The following SEPTIN7 variants were observed in gnomAD, a reference collection of about 807,000 sequenced individuals.
The protein encoded by SEPTIN7 is septin 7, also known as septin-7.
A neutral mutation model predicts 63.3 loss-of-function variants in SEPTIN7; 10 were observed. The ratio of observed to expected loss-of-function variants is 0.16; its 90% confidence interval spans 0.10 to 0.27. The LOEUF is 0.27. Ranked by LOEUF, SEPTIN7 falls within the 10% of genes least tolerant of loss-of-function variation. The probability of loss-of-function intolerance (pLI) is 1.00; values close to 1 mark genes in which losing one functional copy is unlikely to be tolerated. For missense variants in SEPTIN7, 310 were observed against 521.0 expected (o/e 0.59, Z 3.94); for synonymous variants, 131 against 165.3 (o/e 0.79, Z 1.59).
In SEPTIN7 at chr7:35,850,181, A is replaced by G. The variant is rs115547653; in HGVS notation, c.170-13371A>G. Among the ~76,000 whole-genome samples, 1,429 of 152,260 alleles carry G rather than the reference A, an allele frequency of 9.4e-3. 25 individuals are homozygous for G. Among genetic ancestry groups the G allele is most frequent in the African/African-American group, 0.033 (1,359 of 41,528 alleles). ...TTGAAATACCTCCTGAGATGACACT[A>G]ATATGTATTTTGGTTAAGAACTATA... On this transcript the variant is annotated intron_variant, in intron 3 of 13. Transcript: ENST00000350320.
Position 35,895,862 on chromosome 7 carries a change from G to A in SEPTIN7, c.999-2386G>A, listed in dbSNP as rs1787929844. 2.0e-5 allele frequency among the ~76,000 whole-genome samples: 3 copies of A among 152,306 alleles called. No individual in the cohort carries two copies. In the South Asian group the frequency reaches 6.2e-4, roughly 32 times the overall value. On this transcript the variant is annotated intron_variant, in intron 11 of 13. Coordinates refer to ENST00000350320, the MANE Select transcript of SEPTIN7 (RefSeq NM_001788.6). The stretch of plus-strand genomic sequence containing the variant: ...CTCCTGCTCTGTCAGCCAGGCTGGA[G>A]TACAGTGGCACGATCTTGGCTCACT...
intron 11 of SEPTIN7, among the ~76,000 whole-genome samples, chr7:35,891,501 G>C (rs184009929): frequency 6.6e-6 from 1 of 152,220 alleles, no homozygotes; most frequent in Non-Finnish European, 1.5e-5. Flanking sequence ...GTAACATAAT[G>C]TCAAGTATTT....
At position 35,898,337 on chromosome 7, in the gene SEPTIN7, T is replaced by C; in HGVS notation, c.1088T>C (p.Met363Thr). 1 of 1,549,708 alleles carries C rather than the reference T, an allele frequency of 6.5e-7. No individual in the cohort carries two copies. Among genetic ancestry groups the C allele is most frequent in the Non-Finnish European group, 8.7e-7 (1 of 1,145,578 alleles). The part of the protein sequence containing the change: ...MEMEMEQVFE[M>T]KVKEKVQKLK... ...ATGGAGATGGAGCAGGTGTTTGAGA[T>C]GAAGGTCAAAGAAAAAGTTCAAAAA... The change falls in exon 12 of 14, where the codon ATG (methionine) becomes ACG (threonine). Residue 363 changes from methionine to threonine, a missense_variant. Physicochemically the swap from Met to Thr is moderately conservative, Grantham distance 81. Transcript: ENST00000350320.
the SEPTIN7 span, among the ~76,000 whole-genome samples, chr7:35,915,025 A>C: frequency 6.6e-6 from 1 of 151,840 alleles, no homozygotes; most frequent in Non-Finnish European, 1.5e-5. Context: ...ATATATGTAT[A>C]CATGCACGTA....
At chr7:35,827,413 T>C (rs909744445) in intron 1 of SEPTIN7, among the ~76,000 whole-genome samples, 3 of 152,252 alleles carry the variant, frequency 2.0e-5, no homozygotes, top group Admixed American at 2.0e-4. Context: ...TTACAGACTA[T>C]GGTTGATTTT....
At chr7:35,904,227 C>T (rs1312508543) in intron 13 of SEPTIN7, 27 bp from the exon 14 acceptor site, 1 of 1,512,402 alleles carries the variant, frequency 6.6e-7, no homozygotes, top group Non-Finnish European at 8.9e-7. Flanking sequence ...GGTTACTCAT[C>T]TTGCTTATTT....
At position 35,857,261 on chromosome 7, in the gene SEPTIN7, C is replaced by T. The variant is rs113595817; in HGVS notation, c.170-6291C>T. Among the ~76,000 whole-genome samples, 467 of 152,264 alleles carry T rather than the reference C, an allele frequency of 3.1e-3. 2 individuals carry two copies. The highest frequency in any genetic ancestry group is 5.4e-3 in the South Asian group (26 of 4,830). ...TTGAGAACTAGAGAAACACATTACA[C>T]AGGAGCAATGTTGAATTGGAATCAG... On this transcript the variant is annotated intron_variant, in intron 3 of 13. Coordinates refer to ENST00000350320, the MANE Select transcript of SEPTIN7 (RefSeq NM_001788.6).
intron 13 of SEPTIN7, 139 bp downstream of exon 13, chr7:35,903,354 A>C: frequency 7.4e-7 from 1 of 1,351,008 alleles, no homozygotes; most frequent in Non-Finnish European, 9.7e-7. Flanking sequence ...TGGTTTTCAT[A>C]GATAAATATT....
chr7:35,832,684 T>C, intron 2 of SEPTIN7, 114 bp from the exon 3 acceptor site: 1 of 726,914 alleles, frequency 1.4e-6, no homozygotes. Flanking sequence ...AGTAGTTTGA[T>C]TTGCTGTGAA....
At chr7:35,892,460 A>G (rs1400735756) in intron 11 of SEPTIN7, among the ~76,000 whole-genome samples, 1 of 152,114 alleles carries the variant, frequency 6.6e-6, no homozygotes, top group African/African-American at 2.4e-5. Flanking sequence ...GCACTTTTTA[A>G]CTCATTAAAA....
At chr7:35,816,319 G>A (rs1344603298) in intron 1 of SEPTIN7, among the ~76,000 whole-genome samples, 1 of 152,118 alleles carries the variant, frequency 6.6e-6, no homozygotes, top group Non-Finnish European at 1.5e-5. Flanking sequence ...TTATATAAAT[G>A]AGATCATATA....
intron 4 of SEPTIN7, among the ~76,000 whole-genome samples, chr7:35,872,357 A>G (rs1215301642): frequency 6.6e-6 from 1 of 152,142 alleles, no homozygotes; most frequent in Non-Finnish European, 1.5e-5. Context: ...TAAGTATTAC[A>G]TGTCTTTAGT....
At chr7:35,857,269 A>G (rs575612934) in intron 3 of SEPTIN7, among the ~76,000 whole-genome samples, 5 of 152,354 alleles carry the variant, frequency 3.3e-5, no homozygotes, top group Non-Finnish European at 5.9e-5. Flanking sequence ...CACAGGAGCA[A>G]TGTTGAATTG....
chr7:35,809,643 G>A lies in SEPTIN7; in HGVS notation c.61+8373G>A, dbSNP rs143890935. Among the ~76,000 whole-genome samples the A allele has an allele frequency of 1.9e-3, 292 of 152,316 alleles. 1 individual carries two copies. Among genetic ancestry groups the A allele is most frequent in the African/African-American group, 6.7e-3 (279 of 41,562 alleles). Reference sequence around the variant, plus strand: ...GGTGAATCTTTGAAAGTCGGTAGGAGTGATTAGGTAAAGGAGGTGAAGGAG... The same window carrying A: ...GGTGAATCTTTGAAAGTCGGTAGGAATGATTAGGTAAAGGAGGTGAAGGAG... On this transcript the variant is annotated intron_variant, in intron 1 of 13. Coordinates refer to ENST00000350320, the MANE Select transcript of SEPTIN7 (RefSeq NM_001788.6).
intron 3 of SEPTIN7, among the ~76,000 whole-genome samples, chr7:35,839,379 T>A (rs1229443731): frequency 6.6e-6 from 1 of 152,226 alleles, no homozygotes; most frequent in Non-Finnish European, 1.5e-5. Flanking sequence ...ATTTGACATT[T>A]GAATGATTTG....
rs202001541 is a variant in SEPTIN7, at chr7:35,837,419, CAGGAT to C, written c.169+4522_169+4526del. On this transcript the variant is annotated intron_variant, in intron 3 of 13. Coordinates refer to ENST00000350320, the MANE Select transcript of SEPTIN7 (RefSeq NM_001788.6). ...GATATATCATTCTTGGTCATATTGTCAGGATAGTTAAAATTGCTAGCTAGTATTAA... is the reference window on the plus strand; with the variant it reads ...GATATATCATTCTTGGTCATATTGTCAGTTAAAATTGCTAGCTAGTATTAA... 1.2e-3 allele frequency among the ~76,000 whole-genome samples: 177 copies of C among 152,182 alleles called. 2 individuals carry two copies. The East Asian group carries it at 0.03, about 26-fold the overall frequency.
intron 1 of SEPTIN7, among the ~76,000 whole-genome samples, chr7:35,808,227 A>G (rs1270681300): frequency 1.3e-5 from 2 of 152,052 alleles, no homozygotes; most frequent in Non-Finnish European, 2.9e-5. Flanking sequence ...TCTACCCCCA[A>G]GTCACCCAGT....
At chr7:35,813,069 AT>A (rs926495297) in intron 1 of SEPTIN7, among the ~76,000 whole-genome samples, 2 of 152,214 alleles carry the variant, frequency 1.3e-5, no homozygotes, top group African/African-American at 4.8e-5. Context: ...AACAACTGTC[AT>A]TTATTGTACT....
chr7:35,814,836 A>G (rs766554826), intron 1 of SEPTIN7, among the ~76,000 whole-genome samples: 14 of 151,978 alleles, frequency 9.2e-5, no homozygotes, highest in Non-Finnish European at 1.9e-4. Context: ...TTAGCCGGGC[A>G]TGGTAGCAGG....
Sources: allele counts gnomAD v4.1 joint callset (sites outside exome capture counted in the v4.1 genomes callset), GRCh38; gene constraint gnomAD v4.1.1; transcripts MANE v1.5; gene names NCBI Gene and HGNC (gene_info 2026-07-23, HGNC 2026-07-21).